CACNA2D3: variants seen among roughly 807,000 people sequenced by gnomAD.
The protein encoded by CACNA2D3 is calcium voltage-gated channel auxiliary subunit alpha2delta 3.
A neutral mutation model predicts 160.6 loss-of-function variants in CACNA2D3; 60 were observed. The observed-to-expected ratio is 0.37, with a 90% CI of 0.30 to 0.46. The LOEUF (loss-of-function observed/expected upper bound fraction) is 0.46. Among genes scored for constraint, CACNA2D3 ranks in the 20% least tolerant of loss-of-function variants. The pLI is 1.00. For synonymous variants in CACNA2D3, 558 were observed against 492.9 expected, an observed-to-expected ratio of 1.13 and a Z score of -1.75; for missense variants, 1,205 against 1,365.0, an observed-to-expected ratio of 0.88 and a Z score of 1.85.
chr3:54,581,721 G>T, intron 8 of CACNA2D3, 82 bp from the exon 9 acceptor site: 2 of 1,108,322 alleles, frequency 1.8e-6, no homozygotes, highest in Admixed American at 4.2e-5. Context: ...TTTTTTGTTT[G>T]TGTGCGTACC....
intron 29 of CACNA2D3, among the ~76,000 whole-genome samples, chr3:54,976,090 C>T (rs1208607313): frequency 2.8e-5 from 4 of 144,088 alleles, no homozygotes; most frequent in Non-Finnish European, 4.6e-5. Flanking sequence ...CACACACACA[C>T]ACATTATATA....
intron 5 of CACNA2D3, among the ~76,000 whole-genome samples, chr3:54,543,006 A>G (rs1702005648): frequency 6.6e-6 from 1 of 152,238 alleles, no homozygotes; most frequent in Non-Finnish European, 1.5e-5. Context: ...TCATGTGTCC[A>G]CTTTTATAGT....
intron 3 of CACNA2D3, among the ~76,000 whole-genome samples, chr3:54,328,834 C>A (rs1160404369): frequency 6.6e-6 from 1 of 152,146 alleles, no homozygotes; most frequent in Non-Finnish European, 1.5e-5. Flanking sequence ...TGGGAACAGT[C>A]CTGAGGAGGA....
intron 9 of CACNA2D3, among the ~76,000 whole-genome samples, chr3:54,620,726 TAG>T: frequency 6.6e-6 from 1 of 152,256 alleles, no homozygotes; most frequent in East Asian, 1.9e-4. Context: ...ATCAGGGACG[TAG>T]AGAGCTGGGC....
In CACNA2D3 at chr3:54,613,506, TTC is replaced by T. The variant is rs567451837; in HGVS notation, c.964-14279_964-14278del. ...TTGCCTTGTTCTTTGAGGTCCACGTTTCTGTTTACTCATGGTCCACTGCTGCT... is the reference window on the plus strand; with the variant it reads ...TTGCCTTGTTCTTTGAGGTCCACGTTTGTTTACTCATGGTCCACTGCTGCT... On this transcript the variant is annotated intron_variant, in intron 9 of 37. Transcript: ENST00000474759. Among the ~76,000 whole-genome samples, 148 of 152,356 alleles carry T rather than the reference TTC, an allele frequency of 9.7e-4. 1 individual carries two copies. Among genetic ancestry groups the T allele is most frequent in the Non-Finnish European group, 8.8e-4 (60 of 68,032 alleles).
intron 27 of CACNA2D3, among the ~76,000 whole-genome samples, chr3:54,955,517 C>T (rs1261366355): frequency 1.3e-5 from 2 of 152,168 alleles, no homozygotes; most frequent in Admixed American, 6.5e-5. Context: ...GAGAGTCCCT[C>T]CCTGCACTTA....
intron 2 of CACNA2D3, among the ~76,000 whole-genome samples, chr3:54,312,238 G>T (rs899046571): frequency 2.0e-5 from 3 of 152,164 alleles, no homozygotes; most frequent in Non-Finnish European, 4.4e-5. Context: ...AGGGCCTTCT[G>T]TTAATCCTCA....
intron 35 of CACNA2D3, among the ~76,000 whole-genome samples, chr3:55,062,990 C>T (rs1704550079): frequency 6.6e-6 from 1 of 152,218 alleles, no homozygotes; most frequent in African/African-American, 2.4e-5. Flanking sequence ...TAATTCCACA[C>T]ACAAATAGAA....
intron 4 of CACNA2D3, among the ~76,000 whole-genome samples, chr3:54,387,543 T>A (rs1807265): frequency 5.3e-5 from 8 of 152,058 alleles, no homozygotes; most frequent in Non-Finnish European, 8.8e-5. Context: ...TCCCAGCTAC[T>A]TGGGAAACTG....
intron 11 of CACNA2D3, among the ~76,000 whole-genome samples, chr3:54,650,505 A>C (rs1055864734): frequency 1.3e-5 from 2 of 152,194 alleles, no homozygotes; most frequent in African/African-American, 4.8e-5. Context: ...CTGGGATTAC[A>C]CGTGTGTGCC....
intron 4 of CACNA2D3, among the ~76,000 whole-genome samples, chr3:54,473,036 A>T (rs907373895): frequency 2.0e-5 from 3 of 150,756 alleles, no homozygotes; most frequent in African/African-American, 5.0e-5. Flanking sequence ...AAACTACTTT[A>T]AATTTTGTGT....
At chr3:54,971,877 A>G (rs890321135) in intron 29 of CACNA2D3, among the ~76,000 whole-genome samples, 2 of 152,230 alleles carry the variant, frequency 1.3e-5, no homozygotes, top group African/African-American at 4.8e-5. Flanking sequence ...AGTTTTCTCA[A>G]CTATACAATG....
At chr3:54,793,473 T>C (rs1328539439) in intron 13 of CACNA2D3, among the ~76,000 whole-genome samples, 2 of 152,240 alleles carry the variant, frequency 1.3e-5, no homozygotes, top group African/African-American at 4.8e-5. Context: ...AGAGGTTTAA[T>C]AATGAGATGG....
Position 54,399,956 on chromosome 3 carries a change from C to T in CACNA2D3, c.381+13182C>T, listed in dbSNP as rs1040823981. 8.5e-5 allele frequency among the ~76,000 whole-genome samples: 10 copies of T among 117,428 alleles called. 2 individuals carry two copies. The highest frequency in any genetic ancestry group is 2.5e-4 in the East Asian group (1 of 3,936). 77.0% of individuals were successfully genotyped at this position (117,428 alleles called of 152,430 possible). Reference sequence around the variant, plus strand: ...GCTGTGCTAGCAATCAGCGAGATTCCGTGGGCGTAGGACCCTCTGAGCCAG... The same window carrying T: ...GCTGTGCTAGCAATCAGCGAGATTCTGTGGGCGTAGGACCCTCTGAGCCAG... On this transcript the variant is annotated intron_variant, in intron 4 of 37. Transcript: ENST00000474759.
chr3:54,787,597 T>C (rs1559581799), intron 13 of CACNA2D3, among the ~76,000 whole-genome samples: 1 of 152,184 alleles, frequency 6.6e-6, no homozygotes, highest in African/African-American at 2.4e-5. Flanking sequence ...AAAAATTAGT[T>C]AGGCCTTTGA....
chr3:54,361,233 G>A (rs146927373), intron 3 of CACNA2D3, among the ~76,000 whole-genome samples: 1,672 of 151,388 alleles, frequency 0.011, 29 homozygotes, highest in African/African-American at 0.036. Flanking sequence ...TAAATGGAGT[G>A]GGCAGGTTGG....
chr3:54,870,058 G>A (rs1360315010), intron 17 of CACNA2D3, among the ~76,000 whole-genome samples: 1 of 152,176 alleles, frequency 6.6e-6, no homozygotes, highest in African/African-American at 2.4e-5. Flanking sequence ...ACCATCCTAG[G>A]TAGTGGTGAG....
chr3:54,139,925 A>G (rs550541357), intron 2 of CACNA2D3, among the ~76,000 whole-genome samples: 2 of 152,152 alleles, frequency 1.3e-5, no homozygotes, highest in South Asian at 2.1e-4. Context: ...GACATAAGCA[A>G]TGGAGCTGAG....
chr3:54,318,967 G>A (rs535891161), intron 2 of CACNA2D3, among the ~76,000 whole-genome samples: 56 of 152,234 alleles, frequency 3.7e-4, no homozygotes, highest in African/African-American at 1.3e-3. Context: ...GATGCCTCCA[G>A]CCTCACCTCT....
Sources: gnomAD v4.1 joint callset for allele counts (sites outside exome capture counted in the v4.1 genomes callset) on GRCh38, gnomAD v4.1.1 for gene constraint, MANE v1.5 for transcripts, NCBI Gene and HGNC (gene_info 2026-07-23, HGNC 2026-07-21) for gene names.